MAGT1: variants seen among roughly 807,000 people sequenced by gnomAD.
The protein encoded by MAGT1 is magnesium transporter 1.
A neutral mutation model predicts 28.4 loss-of-function variants in MAGT1; 4 were observed. The observed-to-expected ratio is 0.14, with a 90% CI of 0.07 to 0.32. The LOEUF is 0.32. MAGT1 is among the 10% of genes least tolerant of loss of function. MAGT1 has a pLI of 1.00. For missense variants in MAGT1, 193 were observed against 264.5 expected (o/e 0.73, Z 1.88); for synonymous variants, 89 against 89.7 (o/e 0.99, Z 0.04).
chrX:77,895,564 T>C, upstream of MAGT1: 1 of 1,018,679 alleles, frequency 9.8e-7, no homozygotes, highest in South Asian at 2.3e-5. Flanking sequence ...GCGCTGGCGC[T>C]ACACGCCCGC....
chrX:77,865,117 G>A (rs1362500228), intron 3 of MAGT1, among the ~76,000 whole-genome samples: 1 of 111,530 alleles, frequency 9.0e-6, no homozygotes, highest in African/African-American at 3.3e-5. Flanking sequence ...TTTGATTTGT[G>A]GAGATGGCTA....
intron 8 of MAGT1, among the ~76,000 whole-genome samples, chrX:77,836,269 G>A (rs1557213907): frequency 9.0e-6 from 1 of 111,263 alleles, no homozygotes; most frequent in African/African-American, 3.3e-5. Flanking sequence ...GGGGAAGTAC[G>A]GATGGCTAAT....
chrX:77,850,390 C>T (rs2076963868), intron 7 of MAGT1, among the ~76,000 whole-genome samples: 1 of 100,713 alleles, frequency 9.9e-6, no homozygotes, highest in South Asian at 4.7e-4. Context: ...GCAGGAGGAT[C>T]GCTTGAACCC....
At chrX:77,862,991 AC>A (rs1445263433) in intron 3 of MAGT1, among the ~76,000 whole-genome samples, 5 of 108,963 alleles carry the variant, frequency 4.6e-5, no homozygotes, top group Admixed American at 1.0e-4. Context: ...ACATGGTGAA[AC>A]CCTGTCTCTA....
intron 3 of MAGT1, among the ~76,000 whole-genome samples, chrX:77,860,245 A>G (rs1386085129): frequency 1.8e-5 from 2 of 110,521 alleles, no homozygotes; most frequent in Non-Finnish European, 1.9e-5. Flanking sequence ...CATGACATCC[A>G]GCTACTTTGT....
At chrX:77,875,082 T>G (rs2077029888) in intron 2 of MAGT1, among the ~76,000 whole-genome samples, 1 of 109,793 alleles carries the variant, frequency 9.1e-6, no homozygotes. Flanking sequence ...GGGCTGGTCT[T>G]GAACTCCTGA....
chrX:77,870,150 C>T (rs782073284), intron 3 of MAGT1, among the ~76,000 whole-genome samples: 2 of 111,330 alleles, frequency 1.8e-5, no homozygotes, highest in Non-Finnish European at 3.8e-5. Flanking sequence ...AACTTAGGAA[C>T]GGAAAACCAA....
chrX:77,842,578 G>A (rs1057309407), intron 7 of MAGT1, among the ~76,000 whole-genome samples: 3 of 111,641 alleles, frequency 2.7e-5, no homozygotes, highest in Non-Finnish European at 5.6e-5. Flanking sequence ...TGTACTCCCA[G>A]CACTTTGAGA....
At chrX:77,843,677 CGTTT>C (rs2076941949) in intron 7 of MAGT1, among the ~76,000 whole-genome samples, 1 of 111,447 alleles carries the variant, frequency 9.0e-6, no homozygotes, top group South Asian at 3.7e-4. Context: ...TTGATCATTT[CGTTT>C]TTTAAAATTT....
intron 1 of MAGT1, 56 bp from the exon 2 acceptor site, chrX:77,875,653 C>G: frequency 8.9e-7 from 1 of 1,122,063 alleles, no homozygotes; most frequent in Non-Finnish European, 1.2e-6. Context: ...ATTTAAAGTT[C>G]TTTTAATGAG....
At chrX:77,854,863 A>G (rs782259690) in intron 6 of MAGT1, among the ~76,000 whole-genome samples, 45 of 111,801 alleles carry the variant, frequency 4.0e-4, no homozygotes, top group Non-Finnish European at 7.0e-4. Context: ...TTTTCTTATC[A>G]CTATATTTAA....
rs201205727 is a variant in MAGT1, at chrX:77,870,943, C to T, written c.273-18G>A. On this transcript the variant is annotated intron_variant, in intron 2 of 9. Transcript: ENST00000618282. ...CAGCTTGCCTGGATGCAATGAGATT[C>T]GTAAAGATAACATATAAAACAATTT... 1.2e-4 allele frequency: 137 copies of T among 1,107,574 alleles called. No individual in the cohort carries two copies. Among genetic ancestry groups the T allele is most frequent in the Admixed American group, 2.9e-4 (13 of 45,443 alleles). 91.3% of individuals were successfully genotyped at this position (1,107,574 alleles called of 1,213,427 possible). A position where few individuals can be genotyped will look rare whatever the true frequency, so the allele number is the denominator to read the frequency against.
At chrX:77,846,935 G>A (rs1557215005) in intron 7 of MAGT1, among the ~76,000 whole-genome samples, 2 of 111,732 alleles carry the variant, frequency 1.8e-5, no homozygotes, top group African/African-American at 6.5e-5. Flanking sequence ...CTGCATGCTG[G>A]GAGAACCACT....
intron 1 of MAGT1, among the ~76,000 whole-genome samples, chrX:77,877,748 G>A (rs937783425): frequency 1.8e-5 from 2 of 108,132 alleles, no homozygotes; most frequent in Non-Finnish European, 3.8e-5. Context: ...GGGAGGCGGA[G>A]GTTGCGGTGA....
At chrX:77,843,128 G>A (rs782423519) in intron 7 of MAGT1, among the ~76,000 whole-genome samples, 15 of 112,285 alleles carry the variant, frequency 1.3e-4, no homozygotes, top group African/African-American at 1.9e-4. Context: ...ATCATTAAGC[G>A]GAAAGGGAAA....
chrX:77,894,607 C>T (rs1557219735), intron 1 of MAGT1, among the ~76,000 whole-genome samples: 1 of 111,836 alleles, frequency 8.9e-6, no homozygotes, highest in Non-Finnish European at 1.9e-5. Context: ...GAGTATAGGA[C>T]TCCAAATCAC....
At position 77,875,558 on chromosome X, in the gene MAGT1, T is replaced by C. The variant is rs782593332; in HGVS notation, c.142A>G (p.Thr48Ala). 5 of 1,209,621 alleles carry C rather than the reference T, an allele frequency of 4.1e-6. No homozygotes were observed. The East Asian group carries it at 8.9e-5, about 22-fold the overall frequency. The part of the protein sequence containing the change: ...SEKVSQLMEW[T>A]NKRPVIRMNG... ...ATTCTTATTACAGGTCTTTTGTTAG[T>C]CCATTCCATCAGCTGACTAACCTTT... Residue 48 changes from threonine to alanine, a missense_variant, in exon 2 of 10, where the codon ACT (threonine) becomes GCT (alanine). Transcript: ENST00000618282.
intron 3 of MAGT1, among the ~76,000 whole-genome samples, chrX:77,870,230 T>C (rs1336636477): frequency 9.1e-6 from 1 of 110,239 alleles, no homozygotes; most frequent in Non-Finnish European, 1.9e-5. Flanking sequence ...ATTGATATAA[T>C]GGACGTTGGG....
intron 6 of MAGT1, among the ~76,000 whole-genome samples, chrX:77,854,522 T>A (rs2149017523): frequency 9.0e-6 from 1 of 111,165 alleles, no homozygotes; most frequent in African/African-American, 3.3e-5. Flanking sequence ...TTTTCTTTTT[T>A]GTTTTTCATA....
Sources: allele counts gnomAD v4.1 joint callset (sites outside exome capture counted in the v4.1 genomes callset), GRCh38; gene constraint gnomAD v4.1.1; transcripts MANE v1.5; gene names NCBI Gene and HGNC (gene_info 2026-07-23, HGNC 2026-07-21).